RELN: variants seen among roughly 807,000 people sequenced by gnomAD.
RELN encodes the protein reelin.
In RELN, 108 loss-of-function variants were observed where a neutral mutation model predicts 427.6. The ratio of observed to expected loss-of-function variants is 0.25; its 90% CI spans 0.22 to 0.30. The LOEUF is 0.30. RELN is among the 10% of genes least tolerant of loss of function. The pLI, the probability that RELN is intolerant of heterozygous loss-of-function variation, is 1.00. For missense variants in RELN, 3,715 were observed against 4,302.8 expected, an observed-to-expected ratio of 0.86 and a Z score of 3.82; for synonymous variants, 1,524 against 1,513.4, an observed-to-expected ratio of 1.01 and a Z score of -0.16.
At chr7:103,642,349 G>GGTTTT (rs1562936417) in intron 16 of RELN, among the ~76,000 whole-genome samples, 1 of 112,736 alleles carries the variant, frequency 8.9e-6, no homozygotes. Flanking sequence ...ATTTCATAGT[G>GGTTTT]TTTTTTTTTT....
intron 1 of RELN, among the ~76,000 whole-genome samples, chr7:103,981,060 G>C (rs754233543): frequency 8.4e-4 from 128 of 152,186 alleles, no homozygotes; most frequent in Non-Finnish European, 1.7e-3. Flanking sequence ...CTGAAGGTAA[G>C]ACTCAGATGT....
At chr7:103,494,365 TTGTGTGTGTG>T (rs58533286) in intron 57 of RELN, among the ~76,000 whole-genome samples, 4 of 118,256 alleles carry the variant, frequency 3.4e-5, no homozygotes, top group African/African-American at 6.8e-5. Context: ...GTAATGACTT[TTGTGTGTGTG>T]TGTGTGTGTG....
At chr7:103,969,999 C>T (rs1796730473) in intron 1 of RELN, among the ~76,000 whole-genome samples, 1 of 152,188 alleles carries the variant, frequency 6.6e-6, no homozygotes, top group South Asian at 2.1e-4. Context: ...AATATCAATA[C>T]TCACAGTCAT....
At chr7:103,686,671 T>C (rs975430604) in intron 10 of RELN, among the ~76,000 whole-genome samples, 1 of 152,182 alleles carries the variant, frequency 6.6e-6, no homozygotes, top group African/African-American at 2.4e-5. Flanking sequence ...GCTACAGCCA[T>C]TGGAAATTGA....
chr7:103,875,754 AC>A (rs1794463550), intron 2 of RELN, among the ~76,000 whole-genome samples: 1 of 152,118 alleles, frequency 6.6e-6, no homozygotes, highest in Admixed American at 6.6e-5. Context: ...AAAACTCAAA[AC>A]CCTGAATCTG....
chr7:103,900,064 A>G (rs756737183), intron 2 of RELN, among the ~76,000 whole-genome samples: 1 of 152,222 alleles, frequency 6.6e-6, no homozygotes, highest in Non-Finnish European at 1.5e-5. Context: ...AACTCAGCCC[A>G]AAATCTCCTC....
intron 21 of RELN, 55 bp downstream of exon 21, chr7:103,611,556 C>A: frequency 3.1e-6 from 4 of 1,284,944 alleles, no homozygotes; most frequent in East Asian, 2.5e-5. Context: ...TTTTTGGCTT[C>A]CTAGGTAAAA....
At chr7:103,883,806 C>T (rs1423914779) in intron 2 of RELN, among the ~76,000 whole-genome samples, 1 of 152,150 alleles carries the variant, frequency 6.6e-6, no homozygotes, top group Non-Finnish European at 1.5e-5. Flanking sequence ...TGGATTAACA[C>T]TCCATGTTGC....
At chr7:103,637,136 C>G (rs944008257) in intron 17 of RELN, among the ~76,000 whole-genome samples, 1 of 152,092 alleles carries the variant, frequency 6.6e-6, no homozygotes, top group Non-Finnish European at 1.5e-5. Flanking sequence ...TATTAGCTGA[C>G]TAGAATATAC....
intron 2 of RELN, among the ~76,000 whole-genome samples, chr7:103,879,635 G>A (rs759713493): frequency 1.6e-4 from 24 of 152,164 alleles, no homozygotes; most frequent in Non-Finnish European, 2.8e-4. Flanking sequence ...ACACTGACCA[G>A]GCCAGTGGTA....
At chr7:103,754,746 A>G (rs1791091215) in intron 4 of RELN, among the ~76,000 whole-genome samples, 1 of 152,204 alleles carries the variant, frequency 6.6e-6, no homozygotes, top group African/African-American at 2.4e-5. Context: ...ATCACACTCC[A>G]GCCTGAGCAA....
intron 24 of RELN, among the ~76,000 whole-genome samples, chr7:103,601,587 T>C (rs1831669725): frequency 6.6e-6 from 1 of 152,196 alleles, no homozygotes; most frequent in Non-Finnish European, 1.5e-5. Flanking sequence ...GGTGGCTATA[T>C]TACCTGCTTG....
chr7:103,651,758 G>A lies in RELN; in HGVS notation c.1795C>T (p.Arg599Cys), dbSNP rs369272208. Residue 599 changes from arginine (R) to cysteine (C), a missense_variant, in exon 15 of 65, where the codon CGC becomes TGC. Physicochemically the swap from Arg to Cys is radical, Grantham distance 180 (BLOSUM62 -3). This residue lies in a region of RELN where 2,208 missense variants were observed against 2,361.7 expected (regional missense o/e 0.93). Coordinates refer to ENST00000428762, the MANE Select transcript of RELN (RefSeq NM_005045.4). Reference sequence around the variant, plus strand: ...TCAGTGTGAAGGAGGGACCAGGAGCGCCCATGGTTGGTAGAAAATTCCAAG... The same window carrying A: ...TCAGTGTGAAGGAGGGACCAGGAGCACCCATGGTTGGTAGAAAATTCCAAG... ...VSLEFSTNHG[R>C]SWSLLHTECL... The A allele has an allele frequency of 2.9e-5, 47 of 1,611,526 alleles. No individual in the cohort carries two copies. In the Middle Eastern group the frequency reaches 5.0e-4, roughly 17 times the overall value.
chr7:103,724,401 T>C (rs2115914211), intron 7 of RELN, among the ~76,000 whole-genome samples: 1 of 152,210 alleles, frequency 6.6e-6, no homozygotes, highest in Non-Finnish European at 1.5e-5. Context: ...ATGTGAATAT[T>C]AAAAGATCAG....
At chr7:103,870,625 CA>C (rs1794308249) in intron 2 of RELN, among the ~76,000 whole-genome samples, 1 of 152,086 alleles carries the variant, frequency 6.6e-6, no homozygotes, top group Admixed American at 6.6e-5. Flanking sequence ...TCTGGTATCT[CA>C]GCTAGATGCC....
intron 16 of RELN, among the ~76,000 whole-genome samples, chr7:103,643,589 C>A (rs1020905913): frequency 1.3e-5 from 2 of 151,818 alleles, no homozygotes; most frequent in African/African-American, 4.8e-5. Flanking sequence ...AACTAACCTG[C>A]ACATTGTGCA....
At chr7:103,749,775 A>T (rs1790947604) in intron 5 of RELN, among the ~76,000 whole-genome samples, 1 of 152,222 alleles carries the variant, frequency 6.6e-6, no homozygotes, top group South Asian at 2.1e-4. Flanking sequence ...GGAAGGCCAA[A>T]ATCAGCACCA....
chr7:103,832,371 G>A (rs966929026), intron 3 of RELN, among the ~76,000 whole-genome samples: 2 of 152,078 alleles, frequency 1.3e-5, no homozygotes, highest in Admixed American at 6.6e-5. Context: ...CTGTATGCCA[G>A]GGACAGTTCT....
chr7:103,525,163 C>T (rs1176931535), intron 46 of RELN, among the ~76,000 whole-genome samples: 2 of 152,114 alleles, frequency 1.3e-5, no homozygotes, highest in Non-Finnish European at 2.9e-5. Context: ...TGGTTAACCT[C>T]TGTGTGTCCT....
Sources: allele counts gnomAD v4.1 joint callset (sites outside exome capture counted in the v4.1 genomes callset), GRCh38; gene constraint gnomAD v4.1.1; regional missense constraint gnomAD v4.1.1; transcripts MANE v1.5; gene names NCBI Gene and HGNC (gene_info 2026-07-23, HGNC 2026-07-21).